The following UNC80 variants were observed in gnomAD, a reference collection of about 807,000 sequenced individuals.
The protein encoded by UNC80 is unc-80 subunit of NALCN channel complex.
In UNC80, 164 loss-of-function variants were observed where a neutral mutation model predicts 384.6. The observed-to-expected ratio is 0.43, with a 90% CI of 0.38 to 0.49. The LOEUF (loss-of-function observed/expected upper bound fraction) is 0.49, where lower values mean the gene tolerates loss of function less well. Among genes scored for constraint, UNC80 ranks in the 20% least tolerant of loss-of-function variants. UNC80 has a pLI of 0.00. For missense variants in UNC80, 3,330 were observed against 4,143.0 expected, an observed-to-expected ratio of 0.80 and a Z score of 5.39; for synonymous variants, 1,486 against 1,527.8, an observed-to-expected ratio of 0.97 and a Z score of 0.64.
chr2:209,996,252 A>G lies in UNC80; in HGVS notation c.*657A>G, dbSNP rs1480440794. On this transcript the variant is annotated 3_prime_UTR_variant, in exon 65 of 65. Transcript: ENST00000673920. ...TGTAAATCAAAATGCAGATGGCATA[A>G]GATCATCCCATTTCATAATCTATCA... 1 of 152,268 alleles carries G rather than the reference A, an allele frequency of 6.6e-6. No homozygotes were observed. Among genetic ancestry groups the G allele is most frequent in the Non-Finnish European group, 1.5e-5 (1 of 68,076 alleles). 9.4% of individuals were successfully genotyped at this position (152,268 alleles called of 1,614,324 possible).
intron 59 of UNC80, among the ~76,000 whole-genome samples, chr2:209,979,986 C>T (rs569722555): frequency 1.3e-5 from 2 of 152,166 alleles, no homozygotes; most frequent in Non-Finnish European, 2.9e-5. Context: ...AATGCTTTGT[C>T]AGTACTTACC....
Position 209,927,135 on chromosome 2 carries a change from C to A in UNC80, c.5806+149C>A, listed in dbSNP as rs918892270. ...ATAATTACAGATTTGTAACATACTG[C>A]GCTAACAGTATCACTCTCTCCACCT... On this transcript the variant is annotated intron_variant, in intron 36 of 64. Coordinates refer to ENST00000673920, the MANE Select transcript of UNC80 (RefSeq NM_001371986.1). The A allele has an allele frequency of 6.3e-6, 6 of 946,978 alleles. No homozygotes were observed. In the African/African-American group the frequency reaches 8.3e-5, roughly 13 times the overall value. The allele number at this position is 946,978 out of a possible 1,614,324, so 58.7% of individuals were successfully genotyped here. A position where few individuals can be genotyped will look rare whatever the true frequency, so the allele number is the denominator to read the frequency against.
At chr2:209,894,138 G>C (rs2086600474) in intron 26 of UNC80, 25 bp from the exon 27 acceptor site, 2 of 984,780 alleles carry the variant, frequency 2.0e-6, no homozygotes, top group Non-Finnish European at 2.4e-6. Context: ...GGGGGAAAAA[G>C]CCCTATTTTA....
chr2:209,961,564 TATG>T (rs979035942), intron 51 of UNC80: 3 of 152,210 alleles, frequency 2.0e-5, no homozygotes, highest in Admixed American at 6.5e-5. Flanking sequence ...TAATTATTTT[TATG>T]ATAAGATTAG....
At chr2:209,885,001 C>T (rs1298978477) in intron 25 of UNC80, among the ~76,000 whole-genome samples, 13 of 151,678 alleles carry the variant, frequency 8.6e-5, no homozygotes, top group South Asian at 2.1e-4. Context: ...CCATGGCACA[C>T]GTTTGCCTAT....
At chr2:209,873,476 T>C (rs987039097) in intron 23 of UNC80, among the ~76,000 whole-genome samples, 1 of 152,190 alleles carries the variant, frequency 6.6e-6, no homozygotes, top group Non-Finnish European at 1.5e-5. Flanking sequence ...CTTTGGAAAT[T>C]GCACTCACAT....
chr2:209,993,280 C>T (rs1208551547), intron 62 of UNC80, 35 bp from the exon 63 acceptor site: 2 of 1,503,164 alleles, frequency 1.3e-6, no homozygotes, highest in South Asian at 2.5e-5. Flanking sequence ...GCAGTTAGAC[C>T]CTCTTGCAAG....
intron 25 of UNC80, among the ~76,000 whole-genome samples, chr2:209,881,990 G>A (rs1300635456): frequency 2.9e-5 from 4 of 140,266 alleles, no homozygotes; most frequent in East Asian, 4.1e-4. Flanking sequence ...TTTTTGAGAC[G>A]GAGTCTTGCT....
At chr2:209,877,847 T>C (rs2084918599) in intron 23 of UNC80, 107 bp from the exon 24 acceptor site, 1 of 1,275,480 alleles carries the variant, frequency 7.8e-7, no homozygotes. Context: ...AGGCTTATGC[T>C]GGAAATAATT....
intron 17 of UNC80, 37 bp downstream of exon 17, chr2:209,834,205 C>T (rs1204554832): frequency 6.5e-7 from 1 of 1,544,736 alleles, no homozygotes; most frequent in Non-Finnish European, 8.8e-7. Flanking sequence ...TACTGTTTGC[C>T]TTAAGTCAGT....
At chr2:209,802,181 T>A (rs1482903281) in intron 7 of UNC80, among the ~76,000 whole-genome samples, 1 of 152,114 alleles carries the variant, frequency 6.6e-6, no homozygotes, top group Non-Finnish European at 1.5e-5. Context: ...GAGATGTTGA[T>A]CAAAGGGTAT....
chr2:209,956,144 G>A (rs926125880), intron 48 of UNC80, among the ~76,000 whole-genome samples: 3 of 152,154 alleles, frequency 2.0e-5, no homozygotes, highest in Non-Finnish European at 4.4e-5. Flanking sequence ...TACTCGAAGT[G>A]TCACAAAGAG....
intron 22 of UNC80, among the ~76,000 whole-genome samples, chr2:209,864,884 C>G (rs1421369386): frequency 1.3e-5 from 2 of 152,218 alleles, no homozygotes; most frequent in Non-Finnish European, 2.9e-5. Context: ...CTTCTCCCAC[C>G]GGGAGTTCAG....
At chr2:209,774,553 CTT>C (rs2076761251) in intron 2 of UNC80, among the ~76,000 whole-genome samples, 1 of 152,082 alleles carries the variant, frequency 6.6e-6, no homozygotes, top group African/African-American at 2.4e-5. Flanking sequence ...ATTAGTGACA[CTT>C]AATGAGAAAA....
chr2:209,880,534 C>A lies in UNC80; in HGVS notation c.3977-427C>A, dbSNP rs79769995. Reference sequence around the variant, plus strand: ...TTATAGCTCCAAATCTAGTTCACTGCCATATACATAGTCTAAATCTGATTG... The same window carrying A: ...TTATAGCTCCAAATCTAGTTCACTGACATATACATAGTCTAAATCTGATTG... On this transcript the variant is annotated intron_variant, in intron 24 of 64. Transcript: ENST00000673920. Among the ~76,000 whole-genome samples the A allele has an allele frequency of 1.8e-4, 27 of 152,256 alleles. No homozygotes were observed. In the East Asian group the frequency reaches 5.2e-3, roughly 29 times the overall value.
intron 28 of UNC80, among the ~76,000 whole-genome samples, chr2:209,897,987 C>T (rs963014797): frequency 6.6e-6 from 1 of 152,006 alleles, no homozygotes; most frequent in Non-Finnish European, 1.5e-5. Flanking sequence ...CATTTAATAT[C>T]AATATTCAAA....
intron 7 of UNC80, among the ~76,000 whole-genome samples, chr2:209,811,208 CT>C (rs1426375969): frequency 2.6e-5 from 4 of 152,046 alleles, no homozygotes; most frequent in African/African-American, 9.7e-5. Context: ...TAAAACAGGG[CT>C]TTTTACCCAA....
In UNC80 at chr2:209,819,273, G is replaced by A; in HGVS notation, c.1962+12G>A. 6.5e-7 allele frequency: 1 copy of A among 1,539,566 alleles called. No individual in the cohort carries two copies. The highest frequency in any genetic ancestry group is 8.8e-7 in the Non-Finnish European group (1 of 1,140,374). On this transcript the variant is annotated intron_variant, in intron 12 of 64. Coordinates refer to ENST00000673920, the MANE Select transcript of UNC80 (RefSeq NM_001371986.1). The stretch of plus-strand genomic sequence containing the variant: ...TGCTTGATCTTTCTGTAAGAAGCAA[G>A]AATTTTTCTTACCAAAGTTAGACAG...
intron 25 of UNC80, among the ~76,000 whole-genome samples, chr2:209,881,668 C>T (rs1233731268): frequency 2.0e-5 from 3 of 152,008 alleles, no homozygotes; most frequent in Admixed American, 2.0e-4. Flanking sequence ...CATGCATATA[C>T]ACTCCTGTGT....
Sources: gnomAD v4.1 joint callset for allele counts (sites outside exome capture counted in the v4.1 genomes callset) on GRCh38, gnomAD v4.1.1 for gene constraint, MANE v1.5 for transcripts, NCBI Gene and HGNC (gene_info 2026-07-23, HGNC 2026-07-21) for gene names.